Variants in CUL2 observed in about 807,000 individuals in gnomAD.
CUL2 encodes the protein cullin-2.
A neutral mutation model predicts 110.2 loss-of-function variants in CUL2; 22 were observed. That is an observed-to-expected ratio of 0.20 (90% CI 0.14 to 0.28). The LOEUF is 0.28. Among genes scored for constraint, CUL2 ranks in the 10% least tolerant of loss-of-function variants. CUL2 has a pLI of 1.00. For missense variants in CUL2, 631 were observed against 905.5 expected, an observed-to-expected ratio of 0.70 and a Z score of 3.89; for synonymous variants, 279 against 293.2, an observed-to-expected ratio of 0.95 and a Z score of 0.49.
chr10:35,100,164 C>T (rs2087357768), intron 2 of CUL2, among the ~76,000 whole-genome samples: 1 of 151,832 alleles, frequency 6.6e-6, no homozygotes, highest in South Asian at 2.1e-4. Context: ...TCTGGCATAA[C>T]ACCAACCTAA....
At chr10:35,061,079 T>G in intron 3 of CUL2, 111 bp from the exon 4 acceptor site, 1 of 1,172,852 alleles carries the variant, frequency 8.5e-7, no homozygotes, top group Non-Finnish European at 1.2e-6. Flanking sequence ...ATTCTAGCTG[T>G]ACAAATTACA....
chr10:35,032,877 GA>G (rs572243608), intron 11 of CUL2, among the ~76,000 whole-genome samples: 34 of 151,296 alleles, frequency 2.2e-4, no homozygotes, highest in Middle Eastern at 3.4e-3. Flanking sequence ...TATGGCCAAA[GA>G]AAAAAAATCA....
chr10:35,117,146 A>C (rs1239364117), intron 1 of CUL2, among the ~76,000 whole-genome samples: 1 of 152,232 alleles, frequency 6.6e-6, no homozygotes, highest in African/African-American at 2.4e-5. Context: ...AAGAAGCAAC[A>C]GATGCCTGCA....
At chr10:35,049,611 T>A in intron 6 of CUL2, 72 bp downstream of exon 6, 1 of 1,261,660 alleles carries the variant, frequency 7.9e-7, no homozygotes. Flanking sequence ...GGCTCTGCAA[T>A]TGTACACTAT....
At chr10:35,040,826 C>T (rs1449593570) in intron 8 of CUL2, among the ~76,000 whole-genome samples, 1 of 152,166 alleles carries the variant, frequency 6.6e-6, no homozygotes, top group Non-Finnish European at 1.5e-5. Context: ...ACATCCTAGA[C>T]CCCTTGCATG....
chr10:35,039,621 T>C (rs940099724), intron 8 of CUL2, among the ~76,000 whole-genome samples: 3 of 152,224 alleles, frequency 2.0e-5, no homozygotes, highest in African/African-American at 7.2e-5. Flanking sequence ...TCCCAGTACT[T>C]TGGGAGGCCA....
At chr10:35,046,096 T>A (rs1457123243) in intron 6 of CUL2, among the ~76,000 whole-genome samples, 1 of 152,244 alleles carries the variant, frequency 6.6e-6, no homozygotes, top group Non-Finnish European at 1.5e-5. Context: ...CTTCCTTTAA[T>A]TATTTGGATA....
intron 1 of CUL2, among the ~76,000 whole-genome samples, chr10:35,117,162 A>G (rs760567386): frequency 9.2e-5 from 14 of 152,198 alleles, no homozygotes; most frequent in Non-Finnish European, 1.6e-4. Flanking sequence ...CTGCAGGAAG[A>G]GAAGGGCACT....
intron 1 of CUL2, among the ~76,000 whole-genome samples, chr10:35,114,042 G>T (rs1287015020): frequency 6.6e-6 from 1 of 150,526 alleles, no homozygotes; most frequent in Non-Finnish European, 1.5e-5. Context: ...CGAGTAGCTG[G>T]GACTACAGGT....
rs1368048322 is a variant in CUL2, at chr10:35,008,761, T to A, written c.*1550A>T. The A allele has an allele frequency of 6.6e-6, 1 of 152,142 alleles. No individual in the cohort carries two copies. The highest frequency in any genetic ancestry group is 2.4e-5 in the African/African-American group (1 of 41,416). The allele number at this position is 152,142 out of a possible 1,614,324, so 9.4% of individuals were successfully genotyped here. ...AAAAAATGCAATTGAATAAACCAAT[T>A]GTAAGACCCATCTCAAAACAACAAA... On this transcript the variant is annotated 3_prime_UTR_variant, in exon 21 of 21. Transcript: ENST00000374749.
chr10:35,032,944 T>G (rs2085515027), intron 11 of CUL2, among the ~76,000 whole-genome samples: 1 of 152,122 alleles, frequency 6.6e-6, no homozygotes, highest in South Asian at 2.1e-4. Context: ...GATTAAAAAT[T>G]CCCCTTATAT....
chr10:35,032,478 A>G lies in CUL2; in HGVS notation c.1127T>C (p.Val376Ala). Residue 376 changes from valine (V) to alanine (A), a missense_variant, in exon 12 of 21, where the codon GTA becomes GCA. By Grantham distance (64) the Val-to-Ala change is moderately conservative. Coordinates refer to ENST00000374749, the MANE Select transcript of CUL2 (RefSeq NM_003591.4). ...AACAGACTTAGGTTCTCTGTAATTT[A>G]CAACTGACGTAAGGGCCTGAATAAA... ...SALDKALTSV[V>A]NYREPKSVCK... 1 of 1,591,888 alleles carries G rather than the reference A, an allele frequency of 6.3e-7. No homozygotes were observed. The highest frequency in any genetic ancestry group is 2.3e-5 in the East Asian group (1 of 42,918).
chr10:35,094,267 C>T (rs1479752289), upstream of CUL2, among the ~76,000 whole-genome samples: 1 of 151,026 alleles, frequency 6.6e-6, no homozygotes, highest in East Asian at 1.9e-4. Context: ...TGGAGTTTCG[C>T]TCTTGTTGCC....
At chr10:35,017,112 A>G (rs894283616) in intron 17 of CUL2, among the ~76,000 whole-genome samples, 1 of 152,132 alleles carries the variant, frequency 6.6e-6, no homozygotes, top group Non-Finnish European at 1.5e-5. Context: ...GGGCTCTCCC[A>G]GGTAAGGTTC....
chr10:35,065,828 C>T (rs2086505811), intron 2 of CUL2, among the ~76,000 whole-genome samples: 2 of 151,928 alleles, frequency 1.3e-5, no homozygotes, highest in African/African-American at 4.8e-5. Flanking sequence ...CACTGCATTC[C>T]AGCCTGGCAA....
chr10:35,097,797 A>C (rs1052217796), intron 2 of CUL2, among the ~76,000 whole-genome samples: 1 of 151,918 alleles, frequency 6.6e-6, no homozygotes, highest in East Asian at 1.9e-4. Flanking sequence ...CATCTTTACC[A>C]AAAATACAAA....
At chr10:35,108,073 C>T (rs1172147390) in intron 1 of CUL2, among the ~76,000 whole-genome samples, 1 of 151,948 alleles carries the variant, frequency 6.6e-6, no homozygotes, top group Non-Finnish European at 1.5e-5. Flanking sequence ...AACATCTTCG[C>T]CTTTTGTGAA....
chr10:35,074,286 C>T (rs2086760255), intron 1 of CUL2: 1 of 1,196,060 alleles, frequency 8.4e-7, no homozygotes, highest in African/African-American at 1.5e-5. Context: ...TCAACTGCAA[C>T]ATGGCACCCA....
intron 2 of CUL2, among the ~76,000 whole-genome samples, chr10:35,068,220 G>A (rs895578283): frequency 1.3e-5 from 2 of 151,508 alleles, no homozygotes; most frequent in African/African-American, 4.9e-5. Flanking sequence ...CCAGGGGTTC[G>A]AGACCAGCTT....
Sources: allele counts gnomAD v4.1 joint callset (sites outside exome capture counted in the v4.1 genomes callset), GRCh38; gene constraint gnomAD v4.1.1; transcripts MANE v1.5; gene names NCBI Gene and HGNC (gene_info 2026-07-23, HGNC 2026-07-21).